CHD5: variants seen among roughly 807,000 people sequenced by gnomAD.
CHD5 encodes chromodomain helicase DNA binding protein 5.
CHD5 carries 69 observed loss-of-function variants against 230.3 expected under a neutral mutation model. The observed-to-expected ratio is 0.30, with a 90% CI of 0.25 to 0.37. CHD5 has a LOEUF of 0.37. CHD5 is among the 10% of genes least tolerant of loss of function. The pLI is 1.00. For synonymous variants in CHD5, 1,064 were observed against 1,065.9 expected (o/e 1.00, Z 0.03); for missense variants, 1,827 against 2,622.8 (o/e 0.70, Z 6.63).
intron 1 of CHD5, among the ~76,000 whole-genome samples, chr1:6,170,765 C>T (rs574462564): frequency 5.3e-4 from 80 of 152,332 alleles, no homozygotes; most frequent in South Asian, 3.3e-3. Context: ...TGTGGAAAGG[C>T]GGGGATTTTT....
At position 6,155,919 on chromosome 1, in the gene CHD5, C is replaced by A. The variant is rs1245735202; in HGVS notation, c.388-202G>T. ...GCCCCGCAGCCCCCAATCTGTGCCA[C>A]GTCTCAGATGCCAGCCCACGAAGTG... On this transcript the variant is annotated intron_variant, in intron 3 of 41. Coordinates refer to ENST00000262450, the MANE Select transcript of CHD5 (RefSeq NM_015557.3). The surrounding 1 kb of genome is among the most constrained non-coding windows in gnomAD (Gnocchi z 4.0). Among the ~76,000 whole-genome samples the A allele has an allele frequency of 2.6e-5, 4 of 152,232 alleles. No homozygotes were observed. The highest frequency in any genetic ancestry group is 5.9e-5 in the Non-Finnish European group (4 of 68,042).
At chr1:6,140,026 A>G (rs1666803523) in intron 15 of CHD5, among the ~76,000 whole-genome samples, 1 of 152,212 alleles carries the variant, frequency 6.6e-6, no homozygotes, top group Admixed American at 6.5e-5. Context: ...AGGATCCACC[A>G]GCCCCCAAGG....
In CHD5 at chr1:6,128,790, C is replaced by T; in HGVS notation, c.3619+48G>A. The T allele has an allele frequency of 6.5e-7, 1 of 1,531,534 alleles. No homozygotes were observed. The highest frequency in any genetic ancestry group is 9.0e-7 in the Non-Finnish European group (1 of 1,111,568). The allele number at this position is 1,531,534 out of a possible 1,614,324, so 94.9% of individuals were successfully genotyped here. A position where few individuals can be genotyped will look rare whatever the true frequency, so the allele number is the denominator to read the frequency against. On this transcript the variant is annotated intron_variant, in intron 23 of 41. Transcript: ENST00000262450. This position sits in a 1 kb window ranked among gnomAD's most constrained non-coding sequence, Gnocchi z 7.8. ...AGCAAGCCCTGGATGGGTGTCTCAGCCGGGCCACCCCAGTCCCCTGCCACG... is the reference window on the plus strand; with the variant it reads ...AGCAAGCCCTGGATGGGTGTCTCAGTCGGGCCACCCCAGTCCCCTGCCACG...
chr1:6,107,854 G>A (rs1452937274), intron 38 of CHD5, among the ~76,000 whole-genome samples: 1 of 146,158 alleles, frequency 6.8e-6, no homozygotes, highest in Admixed American at 6.8e-5. Flanking sequence ...TGGAGAGATG[G>A]AGGGATGGAG....
In CHD5 at chr1:6,131,327, T is replaced by C. The variant is rs139382012; in HGVS notation, c.3262+304A>G. ...CTGTACCTTCTGCCACCATTCACCA[T>C]ACGGCAGGCTCTGTCCAACACCACT... On this transcript the variant is annotated intron_variant, in intron 21 of 41. Coordinates refer to ENST00000262450, the MANE Select transcript of CHD5 (RefSeq NM_015557.3). The surrounding 1 kb of genome is among the most constrained non-coding windows in gnomAD (Gnocchi z 5.0). Among the ~76,000 whole-genome samples the C allele has an allele frequency of 5.9e-5, 9 of 152,302 alleles. No homozygotes were observed. In the East Asian group the frequency reaches 9.7e-4, roughly 16 times the overall value.
intron 2 of CHD5, among the ~76,000 whole-genome samples, chr1:6,159,787 G>C (rs1176274819): frequency 1.3e-5 from 2 of 152,252 alleles, no homozygotes; most frequent in South Asian, 2.1e-4. Flanking sequence ...TGAGGCTCTC[G>C]TGAGAGCAGG....
intron 1 of CHD5, among the ~76,000 whole-genome samples, chr1:6,174,468 T>C (rs1667387800): frequency 6.6e-6 from 1 of 151,502 alleles, no homozygotes; most frequent in Non-Finnish European, 1.5e-5. Context: ...GATGAATTGA[T>C]GGATAGATGG....
chr1:6,110,486 G>A lies in CHD5; in HGVS notation c.5290C>T (p.Arg1764Trp), dbSNP rs752217521. The A allele has an allele frequency of 6.2e-6, 10 of 1,613,864 alleles. No homozygotes were observed. Among genetic ancestry groups the A allele is most frequent in the East Asian group, 2.2e-5 (1 of 44,880 alleles). The change falls in exon 37 of 42, where the codon CGG becomes TGG. Residue 1764 changes from arginine (R) to tryptophan (W), a missense_variant. This residue lies in a region of CHD5 where 208 missense variants were observed against 302.0 expected (regional missense o/e 0.69). Transcript: ENST00000262450. ...AAGGGCTCGTTGAGGATCATGTACC[G>A]TGGGTCATTCTGGATGTCCTGCCAG... is the stretch of plus-strand genomic sequence containing the variant. ...ARWQDIQNDP[R>W]YMILNEPFKS...
At position 6,146,093 on chromosome 1, in the gene CHD5, T is replaced by C. The variant is rs2294715; in HGVS notation, c.1802+119A>G. The C allele has an allele frequency of 0.16, 149,150 of 953,586 alleles. 14,594 individuals carry two copies. Among genetic ancestry groups the C allele is most frequent in the East Asian group, 0.45 (18,315 of 40,968 alleles). 59.1% of individuals were successfully genotyped at this position (953,586 alleles called of 1,614,324 possible). ...CCCCTGCTGTGCCCACATGTGGTTC[T>C]GCACGGCAGCCCCAAAGCAAGGGCC... On this transcript the variant is annotated intron_variant, in intron 11 of 41. Transcript: ENST00000262450. The surrounding 1 kb of genome is among the most constrained non-coding windows in gnomAD (Gnocchi z 5.1).
Position 6,159,477 on chromosome 1 carries a change from C to T in CHD5, c.246G>A (p.Leu82=). Residue 82 remains leucine, a synonymous_variant, in exon 3 of 42, where the codon CTG becomes CTA. Transcript: ENST00000262450. ...NDELSENEED[L]EEKSESEGSD... ...TGCCTTCACTCTCCGACTTCTCTTC[C>T]AGATCCTCTTCATTCTCTGATAGCT... is the stretch of plus-strand genomic sequence containing the variant. 3 of 1,598,514 alleles carry T rather than the reference C, an allele frequency of 1.9e-6. No homozygotes were observed. The highest frequency in any genetic ancestry group is 2.6e-6 in the Non-Finnish European group (3 of 1,170,444).
chr1:6,152,697 G>A (rs1175273040), intron 5 of CHD5, among the ~76,000 whole-genome samples, 161 bp from the exon 6 acceptor site: 1 of 152,208 alleles, frequency 6.6e-6, no homozygotes. Flanking sequence ...TAAACCCCTT[G>A]CTTAAAATCA....
At chr1:6,110,207 C>T (rs1260451815) in intron 37 of CHD5, among the ~76,000 whole-genome samples, 187 bp downstream of exon 37, 1 of 152,218 alleles carries the variant, frequency 6.6e-6, no homozygotes, top group African/African-American at 2.4e-5. Flanking sequence ...GCAGATACTT[C>T]CCAGTGGGGC....
At chr1:6,119,783 G>A (rs59506573) in intron 33 of CHD5, among the ~76,000 whole-genome samples, 9,072 of 147,072 alleles carry the variant, frequency 0.062, 476 homozygotes, top group East Asian at 0.25. Context: ...ACATATGTGC[G>A]TATATACGTA....
At chr1:6,120,032 T>C (rs1320537369) in intron 33 of CHD5, among the ~76,000 whole-genome samples, 1 of 151,994 alleles carries the variant, frequency 6.6e-6, no homozygotes, top group Non-Finnish European at 1.5e-5. Flanking sequence ...AACTAATTTT[T>C]GTATTTTTAA....
In CHD5 at chr1:6,134,170, C is replaced by T. The variant is rs763515657; in HGVS notation, c.3102G>A (p.Lys1034=). 1.2e-6 allele frequency: 2 copies of T among 1,613,902 alleles called. No individual in the cohort carries two copies. The highest frequency in any genetic ancestry group is 1.1e-5 in the South Asian group (1 of 91,086). ...GKLMLLQKML[K]KLRDEGHRVL... is the part of the protein sequence containing the mutation. ...CACGGTGCCCCTCATCCCGCAGTTT[C>T]TTCAGCATCTTCTGTAGCAGCATGA... The change falls in exon 20 of 42, where the codon AAG becomes AAA. Residue 1034 remains lysine, a synonymous_variant. Coordinates refer to ENST00000262450, the MANE Select transcript of CHD5 (RefSeq NM_015557.3). The surrounding 1 kb of genome is among the most constrained non-coding windows in gnomAD (Gnocchi z 6.3).
intron 38 of CHD5, among the ~76,000 whole-genome samples, chr1:6,108,016 G>A (rs1295415982): frequency 1.5e-5 from 2 of 135,668 alleles, no homozygotes; most frequent in Non-Finnish European, 3.2e-5. Flanking sequence ...TGAAGGGACG[G>A]TGGAGGGATG....
intron 1 of CHD5, among the ~76,000 whole-genome samples, chr1:6,174,688 T>C (rs991908877): frequency 1.3e-5 from 2 of 150,864 alleles, no homozygotes; most frequent in Non-Finnish European, 3.0e-5. Flanking sequence ...GGATGGATGG[T>C]GGATGGGTGG....
Position 6,175,681 on chromosome 1 carries a change from A to AATGGATGGATGG in CHD5, c.79+4252_79+4263dup, listed in dbSNP as rs545057422. Among the ~76,000 whole-genome samples, 293 of 147,824 alleles carry AATGGATGGATGG rather than the reference A, an allele frequency of 2.0e-3. 1 individual carries two copies. The highest frequency in any genetic ancestry group is 6.3e-3 in the African/African-American group (254 of 40,032). ...ATAGTGGATAAGAAGAACAAGAACA[A>AATGGATGGATGG]ATGGATGGATGGATGGATGGATGGA... On this transcript the variant is annotated intron_variant, in intron 1 of 41. Transcript: ENST00000262450.
At position 6,155,772 on chromosome 1, in the gene CHD5, C is replaced by T. The variant is rs1434150131; in HGVS notation, c.388-55G>A. On this transcript the variant is annotated intron_variant, in intron 3 of 41. Coordinates refer to ENST00000262450, the MANE Select transcript of CHD5 (RefSeq NM_015557.3). The surrounding 1 kb of genome is among the most constrained non-coding windows in gnomAD (Gnocchi z 4.0). ...GTTGAGGGGCCTTCTGACCTGCACC[C>T]CCATCCCCAGGGTCTCTGCCTAGGA... The T allele has an allele frequency of 2.9e-6, 4 of 1,390,858 alleles. 1 individual carries two copies. The South Asian group carries it at 3.5e-5, about 12-fold the overall frequency. The allele number at this position is 1,390,858 out of a possible 1,614,324, so 86.2% of individuals were successfully genotyped here. A position where few individuals can be genotyped will look rare whatever the true frequency, so the allele number is the denominator to read the frequency against.
Sources: gnomAD v4.1 joint callset for allele counts (sites outside exome capture counted in the v4.1 genomes callset) on GRCh38, gnomAD v4.1.1 for gene constraint, gnomAD v4.1.1 regional missense constraint, Gnocchi (gnomAD v3.1) non-coding constraint, MANE v1.5 for transcripts, NCBI Gene and HGNC (gene_info 2026-07-23, HGNC 2026-07-21) for gene names.